The following CDK8 variants were observed in gnomAD, a reference collection of about 807,000 sequenced individuals.
CDK8 encodes the protein cyclin-dependent kinase 8.
Under a neutral mutation model 71.5 loss-of-function variants are expected in CDK8, and 29 were observed. The observed-to-expected ratio is 0.41, with a 90% confidence interval of 0.30 to 0.55. The LOEUF is 0.55. Ranked by LOEUF, CDK8 falls within the 20% of genes least tolerant of loss-of-function variation. The pLI is 0.37. For missense variants in CDK8, 288 were observed against 572.6 expected, an observed-to-expected ratio of 0.50 and a Z score of 5.07; for synonymous variants, 161 against 192.1, an observed-to-expected ratio of 0.84 and a Z score of 1.34.
intron 1 of CDK8, among the ~76,000 whole-genome samples, chr13:26,295,732 A>C (rs149508134): frequency 6.6e-6 from 1 of 152,322 alleles, no homozygotes; most frequent in African/African-American, 2.4e-5. Flanking sequence ...CCATGTAAAT[A>C]TAGATAGTAT....
At chr13:26,316,464 T>TC (rs1874519663) in intron 1 of CDK8, among the ~76,000 whole-genome samples, 1 of 152,192 alleles carries the variant, frequency 6.6e-6, no homozygotes, top group Admixed American at 6.5e-5. Context: ...TAGAGTCACT[T>TC]CTGGCAGATT....
intron 1 of CDK8, among the ~76,000 whole-genome samples, chr13:26,256,745 A>G (rs1773999901): frequency 6.6e-6 from 1 of 152,222 alleles, no homozygotes; most frequent in African/African-American, 2.4e-5. Flanking sequence ...CATCTGTGAC[A>G]GCTGAAAAGT....
chr13:26,282,686 C>G (rs558195636), intron 1 of CDK8, among the ~76,000 whole-genome samples: 67 of 152,234 alleles, frequency 4.4e-4, no homozygotes, highest in African/African-American at 1.6e-3. Context: ...CAACAAATAG[C>G]ACGATGAATA....
At chr13:26,267,935 T>C (rs1872100804) in intron 1 of CDK8, among the ~76,000 whole-genome samples, 1 of 152,114 alleles carries the variant, frequency 6.6e-6, no homozygotes, top group Non-Finnish European at 1.5e-5. Context: ...CCCTCCTGGC[T>C]TCCTTCAATG....
intron 10 of CDK8, 119 bp downstream of exon 10, chr13:26,400,669 T>C: frequency 1.4e-6 from 1 of 692,738 alleles, no homozygotes; most frequent in East Asian, 2.5e-5. Flanking sequence ...AAATCCTTTA[T>C]GACAAGCAAA....
intron 1 of CDK8, among the ~76,000 whole-genome samples, chr13:26,255,104 C>A: frequency 6.7e-6 from 1 of 148,292 alleles, no homozygotes; most frequent in East Asian, 1.9e-4. Context: ...TTTTTTTTTT[C>A]CTTGGTCGAT....
chr13:26,353,775 C>A lies in CDK8; in HGVS notation c.351C>A (p.Asn117Lys). 1 of 1,612,920 alleles carries A rather than the reference C, an allele frequency of 6.2e-7. No homozygotes were observed. The highest frequency in any genetic ancestry group is 8.5e-7 in the Non-Finnish European group (1 of 1,179,228). ...AGTTTCACAGAGCTTCTAAAGCAAA[C>A]AAGAAGCCAGTTCAGTTACCTCGGG... ...IIKFHRASKA[N>K]KKPVQLPRGM... Residue 117 changes from asparagine to lysine, a missense_variant, in exon 4 of 13, where the codon AAC (asparagine) becomes AAA (lysine). Around this residue, in one of 6 missense-constraint regions of CDK8, gnomAD observed 95 missense variants for 177.3 expected, o/e 0.54. Coordinates refer to ENST00000381527, the MANE Select transcript of CDK8 (RefSeq NM_001260.3).
chr13:26,314,365 T>C (rs1423373862), intron 1 of CDK8, among the ~76,000 whole-genome samples: 1 of 152,234 alleles, frequency 6.6e-6, no homozygotes, highest in Non-Finnish European at 1.5e-5. Context: ...AATTCTTTGC[T>C]TTTAGCTCAA....
rs924926555 is a variant in CDK8 at position 26,290,818 on chromosome 13, C to A, written c.128+36049C>A. On this transcript the variant is annotated intron_variant, in intron 1 of 12. Transcript: ENST00000381527. ...GGTTTGCAAAAAACAAACAAACAAA[C>A]AAAAAAACAAATTCTGGGCCAGGCG... is the stretch of plus-strand genomic sequence containing the variant. Among the ~76,000 whole-genome samples, 78 of 150,836 alleles carry A rather than the reference C, an allele frequency of 5.2e-4. 1 individual carries two copies. Among genetic ancestry groups the A allele is most frequent in the Non-Finnish European group, 1.9e-4 (13 of 67,896 alleles).
Position 26,281,863 on chromosome 13 carries a change from TAAAG to T in CDK8, c.128+27098_128+27101del, listed in dbSNP as rs778034725. 2.2e-4 allele frequency among the ~76,000 whole-genome samples: 33 copies of T among 151,686 alleles called. 1 individual carries two copies. The highest frequency in any genetic ancestry group is 1.1e-3 in the Admixed American group (16 of 15,234). Reference sequence around the variant, plus strand: ...TTGTATTCCAGAGAAATAAATATCATAAAGAAAAAAAGAATCACAACTTCTGGAA... The same window carrying T: ...TTGTATTCCAGAGAAATAAATATCATAAAAAAAGAATCACAACTTCTGGAA... On this transcript the variant is annotated intron_variant, in intron 1 of 12. Coordinates refer to ENST00000381527, the MANE Select transcript of CDK8 (RefSeq NM_001260.3).
At chr13:26,323,096 C>G (rs987212300) in intron 1 of CDK8, among the ~76,000 whole-genome samples, 6 of 152,106 alleles carry the variant, frequency 3.9e-5, no homozygotes, top group Admixed American at 6.6e-5. Context: ...GTACAAGGTC[C>G]TACTTTGTTC....
At chr13:26,295,586 A>G (rs1031894909) in intron 1 of CDK8, among the ~76,000 whole-genome samples, 4 of 152,228 alleles carry the variant, frequency 2.6e-5, no homozygotes, top group African/African-American at 9.6e-5. Flanking sequence ...TGTCCTGGGC[A>G]GGGGTAATGA....
At chr13:26,336,963 T>C (rs1008361415) in intron 1 of CDK8, among the ~76,000 whole-genome samples, 6 of 152,102 alleles carry the variant, frequency 3.9e-5, no homozygotes, top group African/African-American at 1.5e-4. Flanking sequence ...GTGTTACTTA[T>C]CTTTTTAAGC....
intron 1 of CDK8, among the ~76,000 whole-genome samples, chr13:26,318,758 C>T (rs1593260319): frequency 6.6e-6 from 1 of 152,016 alleles, no homozygotes; most frequent in Non-Finnish European, 1.5e-5. Context: ...AATTGATCAC[C>T]CTTTCATCAT....
intron 4 of CDK8, among the ~76,000 whole-genome samples, chr13:26,366,203 C>G (rs530269605): frequency 6.6e-6 from 1 of 152,018 alleles, no homozygotes; most frequent in Non-Finnish European, 1.5e-5. Flanking sequence ...TTCAGTTTGA[C>G]GACCATATCT....
intron 1 of CDK8, among the ~76,000 whole-genome samples, chr13:26,255,309 A>G (rs144895297): frequency 1.9e-3 from 293 of 152,306 alleles, no homozygotes; most frequent in African/African-American, 6.7e-3. Flanking sequence ...CATCTGCAAC[A>G]TAAATGTTGC....
chr13:26,307,223 T>TAG (rs1243816737), intron 1 of CDK8, among the ~76,000 whole-genome samples: 3 of 152,154 alleles, frequency 2.0e-5, no homozygotes, highest in Non-Finnish European at 4.4e-5. Context: ...AAGTTCCAGA[T>TAG]GGAATTATGG....
chr13:26,254,503 G>GC lies in CDK8; in HGVS notation c.-138dup. On this transcript the variant is annotated 5_prime_UTR_variant, in exon 1 of 13. It removes the in-frame stop codon of an upstream open reading frame in the 5' UTR. Transcript: ENST00000381527. This position sits in a 1 kb window ranked among gnomAD's most constrained non-coding sequence, Gnocchi z 6.7. ...CGCGGGGCCTCCTCCTGCTCTTGCC[G>GC]CATCAGTCGGGCTGGTGCTGCGGCC... is the stretch of plus-strand genomic sequence containing the variant. 1.5e-6 allele frequency: 1 copy of GC among 646,556 alleles called. No homozygotes were observed. Among genetic ancestry groups the GC allele is most frequent in the South Asian group, 2.0e-5 (1 of 50,406 alleles). 40.1% of individuals were successfully genotyped at this position (646,556 alleles called of 1,614,324 possible).
chr13:26,362,117 T>C (rs963362525), intron 4 of CDK8, among the ~76,000 whole-genome samples: 9 of 152,142 alleles, frequency 5.9e-5, no homozygotes, highest in African/African-American at 2.2e-4. Flanking sequence ...GTTATATGAC[T>C]GGCCTAGTAG....
Sources: gnomAD v4.1 joint callset for allele counts (sites outside exome capture counted in the v4.1 genomes callset) on GRCh38, gnomAD v4.1.1 for gene constraint, gnomAD v4.1.1 regional missense constraint, Gnocchi (gnomAD v3.1) non-coding constraint, MANE v1.5 for transcripts, NCBI Gene and HGNC (gene_info 2026-07-23, HGNC 2026-07-21) for gene names.